NRG1: variants seen among roughly 807,000 people sequenced by gnomAD.
NRG1 encodes neuregulin 1.
A neutral mutation model predicts 63.8 loss-of-function variants in NRG1; 18 were observed. The ratio of observed to expected loss-of-function variants is 0.28; its 90% confidence interval spans 0.19 to 0.42. The LOEUF is 0.42. Among genes scored for constraint, NRG1 ranks in the 10% least tolerant of loss-of-function variants. The probability of loss-of-function intolerance (pLI) is 1.00; values close to 1 mark genes in which losing one functional copy is unlikely to be tolerated. For missense variants in NRG1, 762 were observed against 814.7 expected, an observed-to-expected ratio of 0.94 and a Z score of 0.79; for synonymous variants, 302 against 301.3, an observed-to-expected ratio of 1.00 and a Z score of -0.02.
At chr8:32,516,405 A>G (rs1829828428) in intron 1 of NRG1, among the ~76,000 whole-genome samples, 1 of 152,120 alleles carries the variant, frequency 6.6e-6, no homozygotes, top group Admixed American at 6.6e-5. Context: ...TGCTTTAGTT[A>G]TTCAGGCTCC....
At chr8:31,916,197 A>AT (rs1438141524) in intron 1 of NRG1, among the ~76,000 whole-genome samples, 1 of 151,758 alleles carries the variant, frequency 6.6e-6, no homozygotes, top group African/African-American at 2.4e-5. Context: ...ATTTTAGACC[A>AT]TTTTTTTCAT....
At chr8:32,056,498 C>T (rs371224479) in intron 1 of NRG1, among the ~76,000 whole-genome samples, 1 of 152,196 alleles carries the variant, frequency 6.6e-6, no homozygotes, top group East Asian at 1.9e-4. Flanking sequence ...AGTATTGATT[C>T]ATCGAGCCTC....
chr8:32,038,257 C>G (rs536880983), intron 1 of NRG1, among the ~76,000 whole-genome samples: 4 of 152,166 alleles, frequency 2.6e-5, no homozygotes, highest in African/African-American at 9.6e-5. Context: ...ACGCAGGCTC[C>G]GGGTGGGCCC....
At chr8:32,129,839 A>G (rs1258400487) in intron 1 of NRG1, among the ~76,000 whole-genome samples, 1 of 151,794 alleles carries the variant, frequency 6.6e-6, no homozygotes, top group Non-Finnish European at 1.5e-5. Context: ...TTGTGCAAAA[A>G]CCCCAAAGGC....
chr8:32,044,972 G>A (rs1313474337), intron 1 of NRG1, among the ~76,000 whole-genome samples: 6 of 86,372 alleles, frequency 6.9e-5, no homozygotes, highest in African/African-American at 1.9e-4. Context: ...ATAATAAAGA[G>A]CATACATCAA....
At position 32,710,969 on chromosome 8, in the gene NRG1, A is replaced by G. The variant is rs573555080; in HGVS notation, c.503-16980A>G. Among the ~76,000 whole-genome samples the G allele has an allele frequency of 5.9e-5, 9 of 152,324 alleles. No homozygotes were observed. In the South Asian group the frequency reaches 1.0e-3, roughly 18 times the overall value. On this transcript the variant is annotated intron_variant, in intron 5 of 11. Transcript: ENST00000356819. ...GCTAAGTATGCACAACCTAAAGGTAATATTTTAAGTCTCATTCTCTGACAA... is the reference window on the plus strand; with the variant it reads ...GCTAAGTATGCACAACCTAAAGGTAGTATTTTAAGTCTCATTCTCTGACAA...
intron 5 of NRG1, among the ~76,000 whole-genome samples, chr8:32,665,901 G>T (rs1309326959): frequency 6.6e-6 from 1 of 152,018 alleles, no homozygotes; most frequent in Non-Finnish European, 1.5e-5. Flanking sequence ...TGTATGAAAA[G>T]AAAAAAATTA....
At chr8:32,297,039 C>A (rs561494247) in intron 1 of NRG1, among the ~76,000 whole-genome samples, 50 of 152,088 alleles carry the variant, frequency 3.3e-4, no homozygotes, top group African/African-American at 1.2e-3. Flanking sequence ...CGCTTGAAAC[C>A]AGGAGGCGGA....
At chr8:32,754,089 A>G (rs550942190) in intron 7 of NRG1, among the ~76,000 whole-genome samples, 1 of 152,270 alleles carries the variant, frequency 6.6e-6, no homozygotes, top group East Asian at 1.9e-4. Flanking sequence ...ATGATTTCCA[A>G]TTTACTATCA....
chr8:32,234,910 G>T (rs1030319822), intron 1 of NRG1, among the ~76,000 whole-genome samples: 1 of 151,966 alleles, frequency 6.6e-6, no homozygotes, highest in South Asian at 2.1e-4. Context: ...TACATAAGAG[G>T]TTTTTATTCA....
chr8:31,640,307 C>G lies in NRG1; in HGVS notation c.37+876C>G, dbSNP rs1803616108. ...AAGGCGGCGGCGGCGGCGGGCGAGGCAGGGGCGTGGGGCGGCGATCGCGAG... is the reference window on the plus strand; with the variant it reads ...AAGGCGGCGGCGGCGGCGGGCGAGGGAGGGGCGTGGGGCGGCGATCGCGAG... On this transcript the variant is annotated intron_variant, in intron 1 of 10. Transcript: ENST00000519301. The surrounding 1 kb of genome is among the most constrained non-coding windows in gnomAD (Gnocchi z 6.3). 8.7e-7 allele frequency: 1 copy of G among 1,148,116 alleles called. No homozygotes were observed. Among genetic ancestry groups the G allele is most frequent in the Admixed American group, 4.8e-5 (1 of 20,700 alleles). 71.1% of individuals were successfully genotyped at this position (1,148,116 alleles called of 1,614,324 possible). A position where few individuals can be genotyped will look rare whatever the true frequency, so the allele number is the denominator to read the frequency against.
chr8:32,608,092 G>GTTTTGTTT (rs1845594606), intron 3 of NRG1, among the ~76,000 whole-genome samples: 1 of 106,158 alleles, frequency 9.4e-6, no homozygotes, highest in Admixed American at 9.5e-5. Context: ...GGTTTTTTTT[G>GTTTTGTTT]TTTTTTTTTT....
intron 1 of NRG1, among the ~76,000 whole-genome samples, chr8:31,952,819 C>T (rs777636736): frequency 1.4e-4 from 21 of 152,066 alleles, no homozygotes; most frequent in Non-Finnish European, 2.6e-4. Context: ...AGCTCAGTAA[C>T]GATGTTCTAA....
At chr8:32,220,825 G>A (rs1845739814) in intron 1 of NRG1, 1 of 152,216 alleles carries the variant, frequency 6.6e-6, no homozygotes, top group African/African-American at 2.4e-5. Context: ...CTGCTAGCTG[G>A]GAGGGAATCC....
chr8:32,132,706 G>A lies in NRG1; in HGVS notation c.38-463122G>A, dbSNP rs534458178. ...CATCTGAGATAATATAGTGTTTACT[G>A]CTTTGCCATTAGCACAATGGGCTGT... On this transcript the variant is annotated intron_variant, in intron 1 of 10. Coordinates refer to the NRG1 transcript ENST00000519301. Among the ~76,000 whole-genome samples the A allele has an allele frequency of 9.9e-5, 15 of 152,204 alleles. No homozygotes were observed. In the South Asian group the frequency reaches 2.5e-3, roughly 25 times the overall value.
chr8:32,125,048 G>A (rs1833907874), intron 1 of NRG1, among the ~76,000 whole-genome samples: 1 of 151,874 alleles, frequency 6.6e-6, no homozygotes, highest in Non-Finnish European at 1.5e-5. Context: ...AGGGGCTGGA[G>A]AAAACTAACT....
chr8:31,924,410 T>A (rs1200343840), intron 1 of NRG1, among the ~76,000 whole-genome samples: 2 of 152,132 alleles, frequency 1.3e-5, no homozygotes, highest in East Asian at 3.9e-4. Context: ...TGACATAAAG[T>A]TACTGTTCTT....
intron 1 of NRG1, among the ~76,000 whole-genome samples, chr8:32,204,728 T>C (rs1351453556): frequency 6.6e-6 from 1 of 152,232 alleles, no homozygotes; most frequent in East Asian, 1.9e-4. Flanking sequence ...ACATAAATTA[T>C]GGCTAGAATG....
At chr8:32,199,632 C>T (rs1843301658) in intron 1 of NRG1, among the ~76,000 whole-genome samples, 1 of 152,166 alleles carries the variant, frequency 6.6e-6, no homozygotes, top group Non-Finnish European at 1.5e-5. Context: ...TTGAAGACTT[C>T]TCTACTCTTT....
Sources: allele counts gnomAD v4.1 joint callset (sites outside exome capture counted in the v4.1 genomes callset), GRCh38; gene constraint gnomAD v4.1.1; non-coding constraint Gnocchi (gnomAD v3.1); transcripts MANE v1.5; gene names NCBI Gene and HGNC (gene_info 2026-07-23, HGNC 2026-07-21).